Variants in CD58 observed in about 807,000 individuals in gnomAD.
The protein encoded by CD58 is CD58 molecule.
In CD58, 14 loss-of-function variants were observed where a neutral mutation model predicts 27.6. The observed-to-expected ratio is 0.51, with a 90% CI of 0.34 to 0.79. CD58 has a LOEUF of 0.79. CD58 is among the 30% of genes least tolerant of loss of function. The pLI is 0.02. For missense variants in CD58, 268 were observed against 301.7 expected (o/e 0.89, Z 0.83); for synonymous variants, 117 against 103.8 (o/e 1.13, Z -0.77).
In CD58 at chr1:116,534,276, T is replaced by G. The variant is rs1657715113; in HGVS notation, c.628+1689A>C. ...GACATGCCCTCGTCCACACGAAACT[T>G]ACAATCAAAACCCCAGTTAGCCCAG... On this transcript the variant is annotated intron_variant, in intron 3 of 5. Transcript: ENST00000369489. This position sits in a 1 kb window ranked among gnomAD's most constrained non-coding sequence, Gnocchi z 5.3. 6.6e-6 allele frequency among the ~76,000 whole-genome samples: 1 copy of G among 152,182 alleles called. No individual in the cohort carries two copies. Among genetic ancestry groups the G allele is most frequent in the Admixed American group, 6.5e-5 (1 of 15,276 alleles).
rs935720465 is a variant in CD58 at position 116,563,673 on chromosome 1, T to A, written c.70+7230A>T. On this transcript the variant is annotated intron_variant, in intron 1 of 5. Transcript: ENST00000369489. This position sits in a 1 kb window ranked among gnomAD's most constrained non-coding sequence, Gnocchi z 4.1. ...CTCTGAAGCAACAGCCTGAGTGGTATGTTGGCCCCTTTTAGCCATGGCTGG... is the reference window on the plus strand; with the variant it reads ...CTCTGAAGCAACAGCCTGAGTGGTAAGTTGGCCCCTTTTAGCCATGGCTGG... 6.6e-6 allele frequency among the ~76,000 whole-genome samples: 1 copy of A among 152,214 alleles called. No homozygotes were observed.
At position 116,534,978 on chromosome 1, in the gene CD58, A is replaced by G. The variant is rs1051565399; in HGVS notation, c.628+987T>C. On this transcript the variant is annotated intron_variant, in intron 3 of 5. Transcript: ENST00000369489. The surrounding 1 kb of genome is among the most constrained non-coding windows in gnomAD (Gnocchi z 5.3). ...GGAATCCTGTTCACTATTTACAATT[A>G]TATTATTCTGAATAATAGTATTTAC... is the stretch of plus-strand genomic sequence containing the variant. Among the ~76,000 whole-genome samples, 2 of 152,210 alleles carry G rather than the reference A, an allele frequency of 1.3e-5. No homozygotes were observed. The highest frequency in any genetic ancestry group is 2.9e-5 in the Non-Finnish European group (2 of 68,038).
chr1:116,564,074 A>AC (rs1421317420), intron 1 of CD58, among the ~76,000 whole-genome samples: 1 of 152,230 alleles, frequency 6.6e-6, no homozygotes, highest in Non-Finnish European at 1.5e-5. Context: ...TTTAACAGCA[A>AC]CCAAGCCACC....
At chr1:116,567,760 TAACAC>T (rs1322629316) in intron 1 of CD58, among the ~76,000 whole-genome samples, 1 of 152,210 alleles carries the variant, frequency 6.6e-6, no homozygotes, top group African/African-American at 2.4e-5. Context: ...AAACATCACT[TAACAC>T]ATCATTTATT....
intron 1 of CD58, among the ~76,000 whole-genome samples, chr1:116,558,159 AAAAAAAAAAAG>A (rs1261463993): frequency 6.6e-6 from 1 of 151,898 alleles, no homozygotes; most frequent in African/African-American, 2.4e-5. Flanking sequence ...TGACCAAAAA[AAAAAAAAAAAG>A]AAAGAAAAAA....
chr1:116,538,456 G>A lies in CD58; in HGVS notation c.365-2228C>T, dbSNP rs990978819. On this transcript the variant is annotated intron_variant, in intron 2 of 5. Coordinates refer to ENST00000369489, the MANE Select transcript of CD58 (RefSeq NM_001779.3). This position sits in a 1 kb window ranked among gnomAD's most constrained non-coding sequence, Gnocchi z 4.7. ...ATACTTATGCCTGCCTCTGTAACTA[G>A]GCTGGGCATTTCTCAGGGGCAGAAA... Among the ~76,000 whole-genome samples the A allele has an allele frequency of 5.3e-5, 8 of 152,126 alleles. No individual in the cohort carries two copies. The highest frequency in any genetic ancestry group is 1.2e-4 in the Non-Finnish European group (8 of 68,026).
chr1:116,514,645 A>G lies in CD58; in HGVS notation c.*168T>C. 1.8e-6 allele frequency: 1 copy of G among 548,692 alleles called. No individual in the cohort carries two copies. Among genetic ancestry groups the G allele is most frequent in the East Asian group, 3.1e-5 (1 of 32,266 alleles). 34.0% of individuals were successfully genotyped at this position (548,692 alleles called of 1,614,324 possible). A position where few individuals can be genotyped will look rare whatever the true frequency, so the allele number is the denominator to read the frequency against. On this transcript the variant is annotated 3_prime_UTR_variant, in exon 6 of 6. Transcript: ENST00000369489. ...GTCATATAATAAGTTGATGACAGCCAAAACTAATGCTTGTTCTTTGTTAGT... is the reference window on the plus strand; with the variant it reads ...GTCATATAATAAGTTGATGACAGCCGAAACTAATGCTTGTTCTTTGTTAGT...
chr1:116,542,680 T>G (rs1013354815), intron 2 of CD58, among the ~76,000 whole-genome samples: 2 of 151,810 alleles, frequency 1.3e-5, no homozygotes, highest in African/African-American at 2.4e-5. Flanking sequence ...CAGGAGAGAG[T>G]GGGTAGAAGC....
At chr1:116,549,329 C>T (rs1056291408) in intron 1 of CD58, among the ~76,000 whole-genome samples, 3 of 152,130 alleles carry the variant, frequency 2.0e-5, no homozygotes. Context: ...GTTCCCTTCC[C>T]TAAAAGAAGT....
intron 5 of CD58, chr1:116,518,813 C>T (rs913141672): frequency 9.8e-7 from 1 of 1,019,306 alleles, no homozygotes; most frequent in Non-Finnish European, 1.2e-6. Context: ...TATCCCTGAT[C>T]CAACTTTTTC....
At chr1:116,539,759 C>G (rs1252638426) in intron 2 of CD58, among the ~76,000 whole-genome samples, 1 of 152,150 alleles carries the variant, frequency 6.6e-6, no homozygotes, top group Admixed American at 6.5e-5. Context: ...AGATCTTTTC[C>G]TTCTATAAAT....
rs888760708 is a variant in CD58 at position 116,552,390 on chromosome 1, C to T, written c.71-7786G>A. 2.0e-5 allele frequency among the ~76,000 whole-genome samples: 3 copies of T among 152,094 alleles called. No homozygotes were observed. The highest frequency in any genetic ancestry group is 1.9e-4 in the East Asian group (1 of 5,198). On this transcript the variant is annotated intron_variant, in intron 1 of 5. Transcript: ENST00000369489. The surrounding 1 kb of genome is among the most constrained non-coding windows in gnomAD (Gnocchi z 4.5). Reference sequence around the variant, plus strand: ...CATAACAGATATGATAATGAAAAAGCGTTAAATATTGTGGGAATTACTAAA... The same window carrying T: ...CATAACAGATATGATAATGAAAAAGTGTTAAATATTGTGGGAATTACTAAA...
chr1:116,544,279 AT>A, intron 2 of CD58, 31 bp downstream of exon 2: 1 of 1,514,318 alleles, frequency 6.6e-7, no homozygotes, highest in Non-Finnish European at 8.9e-7. Context: ...GAAATTTGCC[AT>A]TTTAAACAAA....
At chr1:116,556,340 G>A (rs1216716253) in intron 1 of CD58, among the ~76,000 whole-genome samples, 2 of 124,184 alleles carry the variant, frequency 1.6e-5, no homozygotes, top group Non-Finnish European at 1.7e-5. Flanking sequence ...TTTTGCAGGT[G>A]AGGAAACTGA....
Position 116,571,023 on chromosome 1 carries a change from G to A in CD58, c.-51C>T, listed in dbSNP as rs1187800458. 19 of 1,462,120 alleles carry A rather than the reference G, an allele frequency of 1.3e-5. No homozygotes were observed. The highest frequency in any genetic ancestry group is 2.6e-5 in the East Asian group (1 of 38,456). The allele number at this position is 1,462,120 out of a possible 1,614,324, so 90.6% of individuals were successfully genotyped here. A position where few individuals can be genotyped will look rare whatever the true frequency, so the allele number is the denominator to read the frequency against. ...AGTGCCCAGCCACAAGCAGCCCTAA[G>A]TTCAAGCACCGCCTACGCGGTCGGC... On this transcript the variant is annotated 5_prime_UTR_variant, in exon 1 of 6. Coordinates refer to ENST00000369489, the MANE Select transcript of CD58 (RefSeq NM_001779.3).
At position 116,519,727 on chromosome 1, in the gene CD58, T is replaced by C. The variant is rs1360170573; in HGVS notation, c.707-460A>G. ...AACATGTACTCAATATAAACATTTT[T>C]TAATGAGATATTTTATATTCTTTCA... is the stretch of plus-strand genomic sequence containing the variant. On this transcript the variant is annotated intron_variant, in intron 4 of 5. Coordinates refer to ENST00000369489, the MANE Select transcript of CD58 (RefSeq NM_001779.3). This position sits in a 1 kb window ranked among gnomAD's most constrained non-coding sequence, Gnocchi z 4.7. Among the ~76,000 whole-genome samples, 1 of 152,246 alleles carries C rather than the reference T, an allele frequency of 6.6e-6. No individual in the cohort carries two copies. Among genetic ancestry groups the C allele is most frequent in the South Asian group, 2.1e-4 (1 of 4,838 alleles).
chr1:116,533,941 G>T, intron 3 of CD58: 1 of 1,422,168 alleles, frequency 7.0e-7, no homozygotes, highest in Non-Finnish European at 9.9e-7. Flanking sequence ...GCTGGAAGGG[G>T]TGTGAGGGGC....
Position 116,570,957 on chromosome 1 carries a change from C to T in CD58, c.16G>A (p.Asp6Asn), listed in dbSNP as rs903902901. 1.9e-6 allele frequency: 3 copies of T among 1,562,578 alleles called. No homozygotes were observed. Among genetic ancestry groups the T allele is most frequent in the Non-Finnish European group, 2.6e-6 (3 of 1,160,914 alleles). Reference protein sequence around the residue: MVAGSDAGRALGVLSV... With the variant: MVAGSNAGRALGVLSV... ...AGGACCCCCAGGGCCCGCCCCGCGTCGCTCCCAGCAACCATGGCTCGTCGG... is the reference window on the plus strand; with the variant it reads ...AGGACCCCCAGGGCCCGCCCCGCGTTGCTCCCAGCAACCATGGCTCGTCGG... Residue 6 changes from aspartate to asparagine, a missense_variant, in exon 1 of 6, where the codon GAC (aspartate) becomes AAC (asparagine). Transcript: ENST00000369489. This position sits in a 1 kb window ranked among gnomAD's most constrained non-coding sequence, Gnocchi z 6.4.
chr1:116,555,699 T>C (rs1658537735), intron 1 of CD58, among the ~76,000 whole-genome samples: 1 of 152,224 alleles, frequency 6.6e-6, no homozygotes, highest in South Asian at 2.1e-4. Flanking sequence ...ACACCTCAAT[T>C]TTAATAGTTC....
Sources: allele counts gnomAD v4.1 joint callset (sites outside exome capture counted in the v4.1 genomes callset), GRCh38; gene constraint gnomAD v4.1.1; non-coding constraint Gnocchi (gnomAD v3.1); transcripts MANE v1.5; gene names NCBI Gene and HGNC (gene_info 2026-07-23, HGNC 2026-07-21).